ZNF827: variants seen among roughly 807,000 people sequenced by gnomAD.
ZNF827 encodes the protein zinc finger protein 827.
In ZNF827, 13 loss-of-function variants were observed where a neutral mutation model predicts 102.4. The observed-to-expected ratio is 0.13, with a 90% CI of 0.08 to 0.20. The LOEUF (loss-of-function observed/expected upper bound fraction) is 0.20. Ranked by LOEUF, ZNF827 falls within the 10% of genes least tolerant of loss-of-function variation. The probability of loss-of-function intolerance (pLI) is 1.00; values close to 1 mark genes in which losing one functional copy is unlikely to be tolerated. For missense variants in ZNF827, 1,103 were observed against 1,344.4 expected (o/e 0.82, Z 2.81); for synonymous variants, 523 against 536.2 (o/e 0.98, Z 0.34).
rs1042889411 is a variant in ZNF827, at chr4:145,762,630, C to T, written c.*17+460G>A. On this transcript the variant is annotated intron_variant, in intron 14 of 14. Transcript: ENST00000508784. This position sits in a 1 kb window ranked among gnomAD's most constrained non-coding sequence, Gnocchi z 4.9. ...GTCAGGCTGGAGCTGGACACCCTAGCCTGGGCCTCTCTGTGGCTCGGTTTC... is the reference window on the plus strand; with the variant it reads ...GTCAGGCTGGAGCTGGACACCCTAGTCTGGGCCTCTCTGTGGCTCGGTTTC... Among the ~76,000 whole-genome samples, 4 of 152,118 alleles carry T rather than the reference C, an allele frequency of 2.6e-5. No individual in the cohort carries two copies. The highest frequency in any genetic ancestry group is 9.7e-5 in the African/African-American group (4 of 41,432).
intron 4 of ZNF827, among the ~76,000 whole-genome samples, chr4:145,875,044 C>T (rs1190519273): frequency 6.6e-6 from 1 of 152,082 alleles, no homozygotes; most frequent in African/African-American, 2.4e-5. Flanking sequence ...TCCAGTCTTC[C>T]AATTCTAGGA....
intron 3 of ZNF827, among the ~76,000 whole-genome samples, chr4:145,887,963 C>T (rs1750261285): frequency 6.6e-6 from 1 of 152,128 alleles, no homozygotes; most frequent in Non-Finnish European, 1.5e-5. Flanking sequence ...GGAGCTAATC[C>T]AAGAACAGAA....
rs972932905 is a variant in ZNF827, at chr4:145,761,343, G to A, written c.*273C>T. ...TGCGCTTGCAGCTGTAGCTGCACTG[G>A]TCACAGTGGAAGGGCCGCTCCCCGG... On this transcript the variant is annotated 3_prime_UTR_variant, in exon 15 of 15. Transcript: ENST00000508784. The surrounding 1 kb of genome is among the most constrained non-coding windows in gnomAD (Gnocchi z 6.8). 14 of 1,289,966 alleles carry A rather than the reference G, an allele frequency of 1.1e-5. No individual in the cohort carries two copies. Among genetic ancestry groups the A allele is most frequent in the Non-Finnish European group, 1.4e-5 (14 of 988,900 alleles). 79.9% of individuals were successfully genotyped at this position (1,289,966 alleles called of 1,614,324 possible).
chr4:145,895,533 A>G (rs995411592), intron 2 of ZNF827, among the ~76,000 whole-genome samples: 1 of 152,218 alleles, frequency 6.6e-6, no homozygotes, highest in Non-Finnish European at 1.5e-5. Flanking sequence ...TCAAATAGCT[A>G]CACTACTGTA....
In ZNF827 at chr4:145,938,621, C is replaced by CT; in HGVS notation, c.-215_-214insA. ...TCTTCTTTTCTTTCCTTTCTTTTTT[C>CT]CTTTTTTTTTTTTTTTTAAATTTTT... On this transcript the variant is annotated 5_prime_UTR_variant, in exon 1 of 15. Transcript: ENST00000508784. 1 of 496,618 alleles carries CT rather than the reference C, an allele frequency of 2.0e-6. No individual in the cohort carries two copies. The highest frequency in any genetic ancestry group is 3.5e-6 in the Non-Finnish European group (1 of 288,044). 30.8% of individuals were successfully genotyped at this position (496,618 alleles called of 1,614,324 possible). A position where few individuals can be genotyped will look rare whatever the true frequency, so the allele number is the denominator to read the frequency against.
At chr4:145,826,421 T>C (rs932035411) in intron 7 of ZNF827, among the ~76,000 whole-genome samples, 1 of 152,208 alleles carries the variant, frequency 6.6e-6, no homozygotes, top group Non-Finnish European at 1.5e-5. Context: ...CTTCACTTGG[T>C]CCTCATAAGA....
chr4:145,889,764 G>A (rs577385740), intron 3 of ZNF827, among the ~76,000 whole-genome samples: 2 of 152,274 alleles, frequency 1.3e-5, no homozygotes, highest in East Asian at 3.9e-4. Context: ...ACTGCCTGAG[G>A]TCAAGAGTTC....
intron 11 of ZNF827, among the ~76,000 whole-genome samples, chr4:145,773,218 C>T (rs535139216): frequency 6.6e-6 from 1 of 152,320 alleles, no homozygotes; most frequent in South Asian, 2.1e-4. Context: ...ACATGGGTTT[C>T]CCAGCTCACC....
intron 4 of ZNF827, among the ~76,000 whole-genome samples, chr4:145,883,571 A>G (rs1331586294): frequency 1.3e-5 from 2 of 152,166 alleles, no homozygotes; most frequent in Non-Finnish European, 1.5e-5. Context: ...TAATGTGAGC[A>G]CTCAGAGCTG....
At chr4:145,914,810 C>T (rs2126938907) in intron 1 of ZNF827, among the ~76,000 whole-genome samples, 1 of 152,326 alleles carries the variant, frequency 6.6e-6, no homozygotes, top group Middle Eastern at 3.4e-3. Flanking sequence ...ATTCCTCAGG[C>T]ATGCCCTTGG....
At chr4:145,775,089 G>A (rs1330137312) in intron 10 of ZNF827, among the ~76,000 whole-genome samples, 1 of 152,096 alleles carries the variant, frequency 6.6e-6, no homozygotes, top group Non-Finnish European at 1.5e-5. Flanking sequence ...TCTGGCTCTG[G>A]AAACCTTCCC....
chr4:145,885,275 A>C (rs1057132354), intron 4 of ZNF827, among the ~76,000 whole-genome samples: 18 of 152,166 alleles, frequency 1.2e-4, no homozygotes, highest in African/African-American at 4.3e-4. Context: ...AAGAACTTGA[A>C]TAATGCCAAA....
chr4:145,879,818 C>T (rs1417424808), intron 4 of ZNF827, among the ~76,000 whole-genome samples: 6 of 152,280 alleles, frequency 3.9e-5, no homozygotes, highest in African/African-American at 1.4e-4. Flanking sequence ...TGGCTAATTC[C>T]ACAACGCACA....
chr4:145,881,002 A>T (rs1438931118), intron 4 of ZNF827, among the ~76,000 whole-genome samples: 1 of 152,252 alleles, frequency 6.6e-6, no homozygotes, highest in Non-Finnish European at 1.5e-5. Context: ...GGCATCTCCC[A>T]TCCCTCCTTC....
chr4:145,911,859 T>C (rs1360350148), intron 1 of ZNF827, among the ~76,000 whole-genome samples: 6 of 152,258 alleles, frequency 3.9e-5, no homozygotes, highest in Admixed American at 6.5e-5. Flanking sequence ...TAAACATTTG[T>C]TGAATGAATG....
chr4:145,870,563 G>A (rs1579431956), intron 4 of ZNF827, 85 bp from the exon 5 acceptor site: 1 of 1,205,442 alleles, frequency 8.3e-7, no homozygotes, highest in Non-Finnish European at 1.2e-6. Context: ...AGTATGGAAT[G>A]CACAATCACA....
In ZNF827 at chr4:145,775,741, G is replaced by A. The variant is rs923187779; in HGVS notation, c.2693+48C>T. 2.5e-6 allele frequency: 4 copies of A among 1,608,192 alleles called. No homozygotes were observed. The African/African-American group carries it at 4.0e-5, about 16-fold the overall frequency. On this transcript the variant is annotated intron_variant, in intron 10 of 14. Transcript: ENST00000508784. ...CAGCAGACAGGTAGGAAGTGTTGAAGTCAAGAGTCTGAGAAAGGCGGACTA... is the reference window on the plus strand; with the variant it reads ...CAGCAGACAGGTAGGAAGTGTTGAAATCAAGAGTCTGAGAAAGGCGGACTA...
At chr4:145,898,566 A>T (rs1255605940) in intron 2 of ZNF827, among the ~76,000 whole-genome samples, 4 of 152,198 alleles carry the variant, frequency 2.6e-5, no homozygotes, top group Non-Finnish European at 5.9e-5. Context: ...TCAATGTGTG[A>T]CATTTATCTT....
At chr4:145,864,590 T>C (rs1218629807) in intron 5 of ZNF827, among the ~76,000 whole-genome samples, 1 of 151,840 alleles carries the variant, frequency 6.6e-6, no homozygotes, top group South Asian at 2.1e-4. Flanking sequence ...CAAGACCCTG[T>C]CTCTAAAAAA....
Sources: allele counts gnomAD v4.1 joint callset (sites outside exome capture counted in the v4.1 genomes callset), GRCh38; gene constraint gnomAD v4.1.1; non-coding constraint Gnocchi (gnomAD v3.1); transcripts MANE v1.5; gene names NCBI Gene and HGNC (gene_info 2026-07-23, HGNC 2026-07-21).